Variants in SENP6 observed in about 807,000 individuals in gnomAD.
SENP6 encodes the protein sentrin-specific protease 6.
Under a neutral mutation model 134.5 loss-of-function variants are expected in SENP6, and 41 were observed. The ratio of observed to expected loss-of-function variants is 0.30; its 90% confidence interval spans 0.24 to 0.40. The LOEUF is 0.40. SENP6 is among the 10% of genes least tolerant of loss of function. SENP6 has a pLI of 1.00. For synonymous variants in SENP6, 395 were observed against 429.8 expected, an observed-to-expected ratio of 0.92 and a Z score of 1.00; for missense variants, 1,248 against 1,312.5, an observed-to-expected ratio of 0.95 and a Z score of 0.76.
intron 16 of SENP6, among the ~76,000 whole-genome samples, chr6:75,689,234 C>T (rs182605061): frequency 4.3e-4 from 66 of 151,908 alleles, no homozygotes; most frequent in African/African-American, 1.4e-3. Context: ...ACACTATATC[C>T]AAGAAAAAAA....
chr6:75,692,906 C>T (rs1409957331), intron 16 of SENP6, among the ~76,000 whole-genome samples: 1 of 151,794 alleles, frequency 6.6e-6, no homozygotes, highest in Non-Finnish European at 1.5e-5. Flanking sequence ...TTTACCCCCA[C>T]CAAAAAAAAA....
chr6:75,709,805 T>TA (rs951871247), intron 20 of SENP6, among the ~76,000 whole-genome samples, 175 bp downstream of exon 20: 13 of 150,782 alleles, frequency 8.6e-5, no homozygotes, highest in African/African-American at 1.7e-4. Flanking sequence ...CTCCATCTCT[T>TA]AAAAAAAAAT....
At chr6:75,634,063 C>A (rs981152664) in intron 4 of SENP6, among the ~76,000 whole-genome samples, 3 of 152,144 alleles carry the variant, frequency 2.0e-5, no homozygotes, top group Admixed American at 6.5e-5. Flanking sequence ...AAATACTAAT[C>A]AGGATTGTCT....
chr6:75,705,494 G>C (rs2149902230), intron 19 of SENP6, among the ~76,000 whole-genome samples: 1 of 152,034 alleles, frequency 6.6e-6, no homozygotes, highest in Admixed American at 6.6e-5. Flanking sequence ...CAGTGAGCTG[G>C]GATCGCGCAA....
intron 9 of SENP6, among the ~76,000 whole-genome samples, chr6:75,663,808 G>T (rs9343313): frequency 0.24 from 14,025 of 58,504 alleles, 1,035 homozygotes; most frequent in African/African-American, 0.3. Flanking sequence ...CTGATAGTGG[G>T]TTTTTTTTTT....
intron 7 of SENP6, among the ~76,000 whole-genome samples, chr6:75,652,355 A>ATTGAGTCCCAGCTACTC (rs1770934173): frequency 6.6e-6 from 1 of 151,828 alleles, no homozygotes; most frequent in Admixed American, 6.6e-5. Flanking sequence ...TTTTTAAATA[A>ATTGAGTCCCAGCTACTC]ATGTGCAGTG....
chr6:75,709,668 A>T, intron 20 of SENP6, 38 bp downstream of exon 20: 1 of 1,493,272 alleles, frequency 6.7e-7, no homozygotes, highest in African/African-American at 1.4e-5. Flanking sequence ...CTAATGTTTT[A>T]TCTAATTAAA....
At chr6:75,672,728 A>G (rs977840106) in intron 11 of SENP6, among the ~76,000 whole-genome samples, 5 of 152,218 alleles carry the variant, frequency 3.3e-5, no homozygotes, top group African/African-American at 7.2e-5. Flanking sequence ...ATGTTTTACT[A>G]TGTTTAATGT....
chr6:75,654,891 T>G (rs1009822860), intron 7 of SENP6: 1 of 152,204 alleles, frequency 6.6e-6, no homozygotes, highest in Non-Finnish European at 1.5e-5. Flanking sequence ...TAATTAACAC[T>G]TTTCTGTTCT....
chr6:75,667,980 G>T (rs1772376835), intron 10 of SENP6, among the ~76,000 whole-genome samples: 1 of 152,122 alleles, frequency 6.6e-6, no homozygotes, highest in East Asian at 1.9e-4. Context: ...TAATAAACTT[G>T]TATGTTAAAT....
At chr6:75,627,519 C>T (rs1173534891) in intron 3 of SENP6, among the ~76,000 whole-genome samples, 1 of 152,008 alleles carries the variant, frequency 6.6e-6, no homozygotes, top group Non-Finnish European at 1.5e-5. Flanking sequence ...ATCCCAGCAC[C>T]TTGGTAGGAT....
At chr6:75,630,877 A>G (rs933942195) in intron 3 of SENP6, among the ~76,000 whole-genome samples, 1 of 152,022 alleles carries the variant, frequency 6.6e-6, no homozygotes, top group African/African-American at 2.4e-5. Flanking sequence ...CCTATATTTT[A>G]TGTTTAAAAG....
intron 10 of SENP6, among the ~76,000 whole-genome samples, chr6:75,667,400 G>A (rs1772326666): frequency 6.6e-6 from 1 of 152,116 alleles, no homozygotes; most frequent in South Asian, 2.1e-4. Flanking sequence ...GTATTTTAAT[G>A]TCTGTAATAG....
intron 3 of SENP6, among the ~76,000 whole-genome samples, chr6:75,626,152 TTTTG>T (rs1768677196): frequency 6.6e-6 from 1 of 152,152 alleles, no homozygotes; most frequent in East Asian, 1.9e-4. Flanking sequence ...TGTTTTTTAA[TTTTG>T]TTTTTTATAG....
At chr6:75,603,246 G>T (rs973726643) in intron 1 of SENP6, among the ~76,000 whole-genome samples, 6 of 152,164 alleles carry the variant, frequency 3.9e-5, no homozygotes, top group Admixed American at 6.5e-5. Context: ...TTAAACATTT[G>T]CTGTAAGTAG....
At chr6:75,680,248 C>A (rs1773372625) in intron 16 of SENP6, among the ~76,000 whole-genome samples, 1 of 152,156 alleles carries the variant, frequency 6.6e-6, no homozygotes. Flanking sequence ...GATGTTGGCA[C>A]TAAAGCAGTG....
rs1266482741 is a variant in SENP6, at chr6:75,713,292, A to G, written c.2910-221A>G. Reference sequence around the variant, plus strand: ...TAAGATATGGTTAAGTTAATATTCTATAATTCAATATTTAATATATCCATA... The same window carrying G: ...TAAGATATGGTTAAGTTAATATTCTGTAATTCAATATTTAATATATCCATA... On this transcript the variant is annotated intron_variant, in intron 21 of 23. Coordinates refer to ENST00000447266, the MANE Select transcript of SENP6 (RefSeq NM_015571.4). 2.6e-5 allele frequency among the ~76,000 whole-genome samples: 4 copies of G among 152,320 alleles called. No individual in the cohort carries two copies. The East Asian group carries it at 5.8e-4, about 22-fold the overall frequency.
chr6:75,681,332 C>T (rs528621111), intron 16 of SENP6, among the ~76,000 whole-genome samples: 10 of 152,172 alleles, frequency 6.6e-5, no homozygotes, highest in African/African-American at 2.4e-4. Context: ...AGATGTATGT[C>T]CTTCCTCTTC....
chr6:75,703,900 A>G (rs969605683), intron 19 of SENP6, among the ~76,000 whole-genome samples: 11 of 152,120 alleles, frequency 7.2e-5, no homozygotes, highest in Non-Finnish European at 1.5e-4. Context: ...TTTTCCATTT[A>G]TTGGAACTTG....
Sources: allele counts gnomAD v4.1 joint callset (sites outside exome capture counted in the v4.1 genomes callset), GRCh38; gene constraint gnomAD v4.1.1; transcripts MANE v1.5; gene names NCBI Gene and HGNC (gene_info 2026-07-23, HGNC 2026-07-21).